The following TAF4 variants were observed in gnomAD, a reference collection of about 807,000 sequenced individuals.
The protein encoded by TAF4 is transcription initiation factor TFIID subunit 4.
In TAF4, 9 loss-of-function variants were observed where a neutral mutation model predicts 90.3. That is an observed-to-expected ratio of 0.10 (90% CI 0.06 to 0.17). The LOEUF (loss-of-function observed/expected upper bound fraction) is 0.17, where lower values mean the gene tolerates loss of function less well. TAF4 is among the 10% of genes least tolerant of loss of function. TAF4 has a pLI of 1.00. For synonymous variants in TAF4, 818 were observed against 638.9 expected, an observed-to-expected ratio of 1.28 and a Z score of -4.23; for missense variants, 1,351 against 1,370.7, an observed-to-expected ratio of 0.99 and a Z score of 0.23.
intron 12 of TAF4, among the ~76,000 whole-genome samples, chr20:61,998,723 A>G (rs1258238733): frequency 1.3e-5 from 2 of 152,236 alleles, no homozygotes; most frequent in Non-Finnish European, 1.5e-5. Context: ...CTCTAGGAAC[A>G]TGTGCTTCAC....
At chr20:61,984,503 G>T (rs545158249) in intron 14 of TAF4, among the ~76,000 whole-genome samples, 1 of 152,350 alleles carries the variant, frequency 6.6e-6, no homozygotes, top group African/African-American at 2.4e-5. Context: ...CACGAGAGAG[G>T]GTGAAAAGCT....
At chr20:62,044,576 T>G (rs907438100) in intron 1 of TAF4, among the ~76,000 whole-genome samples, 1 of 151,910 alleles carries the variant, frequency 6.6e-6, no homozygotes, top group Non-Finnish European at 1.5e-5. Context: ...AGACAAAGAG[T>G]GCAAAGAAAC....
chr20:61,983,159 A>C (rs894194908), intron 14 of TAF4, among the ~76,000 whole-genome samples: 13 of 152,160 alleles, frequency 8.5e-5, no homozygotes, highest in Non-Finnish European at 1.3e-4. Context: ...GATGGCCAAC[A>C]GTGGAGCTGC....
chr20:62,002,946 C>T (rs2123130784), intron 9 of TAF4, among the ~76,000 whole-genome samples: 1 of 152,328 alleles, frequency 6.6e-6, no homozygotes, highest in South Asian at 2.1e-4. Flanking sequence ...CGCTTTCTGG[C>T]TATGTGTATG....
chr20:62,035,632 A>G (rs559415019), intron 1 of TAF4, among the ~76,000 whole-genome samples: 1 of 152,372 alleles, frequency 6.6e-6, no homozygotes, highest in Admixed American at 6.5e-5. Context: ...GACTATTCCT[A>G]TTACCTTCGG....
chr20:62,040,837 T>C (rs968756561), intron 1 of TAF4, among the ~76,000 whole-genome samples: 5 of 152,096 alleles, frequency 3.3e-5, no homozygotes, highest in Non-Finnish European at 7.4e-5. Flanking sequence ...TCCTAACATT[T>C]ACCCAAAAGA....
chr20:62,028,987 G>T (rs925666299), intron 1 of TAF4, among the ~76,000 whole-genome samples: 4 of 152,110 alleles, frequency 2.6e-5, no homozygotes, highest in African/African-American at 9.7e-5. Context: ...ACGAGGTCAG[G>T]AGATCGAGAC....
intron 9 of TAF4, among the ~76,000 whole-genome samples, chr20:62,001,240 T>G (rs1351656504): frequency 2.0e-5 from 3 of 152,146 alleles, no homozygotes; most frequent in African/African-American, 4.8e-5. Flanking sequence ...CGGGCCATGA[T>G]GAATGGCCCC....
chr20:62,065,877 C>T lies in TAF4; in HGVS notation c.-67G>A, dbSNP rs1376603885. 2.8e-6 allele frequency: 3 copies of T among 1,076,040 alleles called. No homozygotes were observed. The highest frequency in any genetic ancestry group is 2.3e-5 in the South Asian group (1 of 42,808). The allele number at this position is 1,076,040 out of a possible 1,614,324, so 66.7% of individuals were successfully genotyped here. A position where few individuals can be genotyped will look rare whatever the true frequency, so the allele number is the denominator to read the frequency against. On this transcript the variant is annotated 5_prime_UTR_variant, in exon 1 of 15. Coordinates refer to ENST00000252996, the MANE Select transcript of TAF4 (RefSeq NM_003185.4). Reference sequence around the variant, plus strand: ...GCGCGCCTGGGCGAGGAGGAGGTTCCGACTGGGGCGGGCGCTGGGCGGGCG... The same window carrying T: ...GCGCGCCTGGGCGAGGAGGAGGTTCTGACTGGGGCGGGCGCTGGGCGGGCG...
chr20:62,000,400 A>G, intron 10 of TAF4, 146 bp from the exon 11 acceptor site: 9 of 1,389,104 alleles, frequency 6.5e-6, no homozygotes, highest in South Asian at 2.8e-5. Flanking sequence ...AGTGGTACCC[A>G]TATTTTACCC....
At chr20:62,022,852 G>A (rs1026725054) in intron 1 of TAF4, among the ~76,000 whole-genome samples, 5 of 142,248 alleles carry the variant, frequency 3.5e-5, no homozygotes, top group African/African-American at 1.4e-4. Context: ...TCCTGGTCCA[G>A]CACTTGCAGC....
intron 12 of TAF4, 79 bp downstream of exon 12, chr20:61,998,904 C>A: frequency 6.4e-7 from 1 of 1,562,698 alleles, no homozygotes; most frequent in Non-Finnish European, 8.7e-7. Context: ...CACCCAAAAC[C>A]CCACTGTCTC....
At chr20:62,045,418 A>G (rs1023556789) in intron 1 of TAF4, among the ~76,000 whole-genome samples, 3 of 152,212 alleles carry the variant, frequency 2.0e-5, no homozygotes, top group Non-Finnish European at 4.4e-5. Flanking sequence ...GTTTGGGTTT[A>G]AGCTTCAGAG....
chr20:61,993,791 C>A (rs1009087294), intron 14 of TAF4, among the ~76,000 whole-genome samples: 2 of 152,150 alleles, frequency 1.3e-5, no homozygotes, highest in African/African-American at 4.8e-5. Flanking sequence ...CTCGCTCTGT[C>A]ACCCAGGCTA....
chr20:62,031,604 C>T (rs1388318311), intron 1 of TAF4, among the ~76,000 whole-genome samples: 1 of 152,170 alleles, frequency 6.6e-6, no homozygotes, highest in Admixed American at 6.5e-5. Flanking sequence ...CCTCCCCCTA[C>T]CCTACTCCAC....
chr20:62,065,580 G>A lies in TAF4; in HGVS notation c.231C>T (p.Ala77=). The A allele has an allele frequency of 1.0e-6, 1 of 980,630 alleles. No homozygotes were observed. The allele number at this position is 980,630 out of a possible 1,614,324, so 60.7% of individuals were successfully genotyped here. ...PAGAAGAGPA[A]PAEGAPGAAP... ...CCGCTCCGGGCGCGCCCTCGGCGGG[G>A]GCGGCCGGCCCTGCGCCCGCGGCTC... The change falls in exon 1 of 15, where the codon GCC becomes GCT. Residue 77 remains alanine (A), a synonymous_variant. Coordinates refer to ENST00000252996, the MANE Select transcript of TAF4 (RefSeq NM_003185.4).
At chr20:62,000,035 T>C in intron 11 of TAF4, 89 bp downstream of exon 11, 2 of 1,577,454 alleles carry the variant, frequency 1.3e-6, no homozygotes, top group Admixed American at 3.3e-5. Context: ...CCCACCGCCC[T>C]CTGCCTCGGT....
At chr20:62,017,286 C>T (rs946571018) in intron 1 of TAF4, among the ~76,000 whole-genome samples, 1 of 152,186 alleles carries the variant, frequency 6.6e-6, no homozygotes. Context: ...CAATGTCAAA[C>T]CTGACATTCT....
intron 1 of TAF4, among the ~76,000 whole-genome samples, chr20:62,022,431 G>C (rs1462959632): frequency 6.6e-6 from 1 of 152,202 alleles, no homozygotes; most frequent in African/African-American, 2.4e-5. Context: ...ATGAGCAAAA[G>C]TGGTGTTTCC....
Sources: allele counts gnomAD v4.1 joint callset (sites outside exome capture counted in the v4.1 genomes callset), GRCh38; gene constraint gnomAD v4.1.1; transcripts MANE v1.5; gene names NCBI Gene and HGNC (gene_info 2026-07-23, HGNC 2026-07-21).